Variants in PRPF18 observed in about 807,000 individuals in gnomAD.
PRPF18 encodes pre-mRNA-splicing factor 18.
Under a neutral mutation model 46.5 loss-of-function variants are expected in PRPF18, and 38 were observed. The ratio of observed to expected loss-of-function variants is 0.82; its 90% CI spans 0.63 to 1.07. PRPF18 has a LOEUF of 1.07. Ranked by LOEUF, PRPF18 falls within the 50% of genes least tolerant of loss-of-function variation. The probability of loss-of-function intolerance (pLI) is 0.00; values close to 1 mark genes in which losing one functional copy is unlikely to be tolerated. For synonymous variants in PRPF18, 152 were observed against 146.7 expected, an observed-to-expected ratio of 1.04 and a Z score of -0.26; for missense variants, 263 against 410.0, an observed-to-expected ratio of 0.64 and a Z score of 3.10.
chr10:13,599,621 T>C (rs1326209), intron 2 of PRPF18, among the ~76,000 whole-genome samples: 123,675 of 152,208 alleles, frequency 0.81, 50,361 homozygotes, highest in East Asian at 0.91. Context: ...CCCACTGTTT[T>C]CCTGGGTGGC....
the PRPF18 span, chr10:13,646,911 G>A: frequency 2.7e-5 from 20 of 731,658 alleles, no homozygotes; most frequent in South Asian, 2.5e-4. Flanking sequence ...GCGTTGAGGC[G>A]GTCAGATTAG....
intron 1 of PRPF18, among the ~76,000 whole-genome samples, chr10:13,590,676 G>A (rs2079948238): frequency 6.6e-6 from 1 of 151,390 alleles, no homozygotes; most frequent in African/African-American, 2.4e-5. Context: ...GTAATGTTAG[G>A]CATCATGCAA....
intron 1 of PRPF18, among the ~76,000 whole-genome samples, chr10:13,588,264 G>A (rs2079905644): frequency 6.6e-6 from 1 of 152,078 alleles, no homozygotes; most frequent in Admixed American, 6.6e-5. Context: ...AAAATTAGCT[G>A]GGCGTGGTGG....
intron 9 of PRPF18, among the ~76,000 whole-genome samples, chr10:13,629,687 C>T (rs952274651): frequency 1.2e-4 from 19 of 152,186 alleles, no homozygotes; most frequent in African/African-American, 3.9e-4. Flanking sequence ...TTTTTACTTT[C>T]GACATTGCTT....
downstream of PRPF18, among the ~76,000 whole-genome samples, chr10:13,633,203 G>A (rs1418621708): frequency 1.3e-5 from 2 of 152,168 alleles, no homozygotes; most frequent in Non-Finnish European, 1.5e-5. Flanking sequence ...GGAAGGGAGC[G>A]GTCCTGAGAG....
At chr10:13,589,445 A>G (rs928208945) in intron 1 of PRPF18, among the ~76,000 whole-genome samples, 3 of 152,244 alleles carry the variant, frequency 2.0e-5, no homozygotes, top group Admixed American at 6.5e-5. Context: ...TCAAGACTTA[A>G]TAAAAATAGT....
At chr10:13,587,246 G>A (rs765472169) in intron 1 of PRPF18, 94 bp downstream of exon 1, 8 of 1,334,668 alleles carry the variant, frequency 6.0e-6, no homozygotes, top group Non-Finnish European at 8.5e-6. Context: ...AGAGGATTCG[G>A]GGCGGGGACG....
chr10:13,630,162 T>G, intron 9 of PRPF18, 98 bp from the exon 10 acceptor site: 1 of 1,015,168 alleles, frequency 9.9e-7, no homozygotes. Flanking sequence ...TGCTGCATTT[T>G]ATGGGGACAT....
At chr10:13,623,783 A>G (rs2080455182) in intron 9 of PRPF18, among the ~76,000 whole-genome samples, 1 of 152,086 alleles carries the variant, frequency 6.6e-6, no homozygotes, top group Admixed American at 6.6e-5. Flanking sequence ...TGGTTTATTG[A>G]TTTCTCCGGA....
chr10:13,597,791 G>C (rs927008958), intron 2 of PRPF18: 28 of 695,998 alleles, frequency 4.0e-5, no homozygotes, highest in Non-Finnish European at 5.6e-5. Context: ...TGAGATCAAA[G>C]CTTGAATTTT....
chr10:13,595,978 G>T (rs1048505883), intron 1 of PRPF18, among the ~76,000 whole-genome samples: 1 of 152,132 alleles, frequency 6.6e-6, no homozygotes, highest in Non-Finnish European at 1.5e-5. Context: ...AAATTAGTTT[G>T]TTAATTTTAT....
chr10:13,606,733 C>CAAAAAAAAAAAAAA, intron 4 of PRPF18, among the ~76,000 whole-genome samples: 1 of 73,010 alleles, frequency 1.4e-5, no homozygotes, highest in Non-Finnish European at 2.5e-5. Flanking sequence ...GACTCCTTCT[C>CAAAAAAAAAAAAAA]AAAAAAAAAA....
At chr10:13,612,295 C>A (rs900839727) in intron 6 of PRPF18, among the ~76,000 whole-genome samples, 1 of 152,000 alleles carries the variant, frequency 6.6e-6, no homozygotes, top group African/African-American at 2.4e-5. Context: ...TTTCTTGAGG[C>A]AGAGTCTTGC....
the PRPF18 span, chr10:13,648,826 G>A: frequency 6.6e-6 from 1 of 152,100 alleles, no homozygotes; most frequent in Non-Finnish European, 1.5e-5. Context: ...ACATGATCTG[G>A]GTCTGTTTGG....
intron 3 of PRPF18, 43 bp downstream of exon 3, chr10:13,600,391 G>A (rs923716129): frequency 5.6e-6 from 8 of 1,424,612 alleles, no homozygotes; most frequent in Admixed American, 3.8e-5. Context: ...AGATCTCCAC[G>A]GTGTTTACAT....
chr10:13,635,064 A>G (rs116370908), downstream of PRPF18, among the ~76,000 whole-genome samples: 971 of 152,108 alleles, frequency 6.4e-3, 14 homozygotes, highest in African/African-American at 0.022. Context: ...CCATCCTCCA[A>G]CAGGCCCCAG....
intron 9 of PRPF18, among the ~76,000 whole-genome samples, chr10:13,618,322 C>G (rs2080374029): frequency 6.6e-6 from 1 of 151,942 alleles, no homozygotes; most frequent in Non-Finnish European, 1.5e-5. Flanking sequence ...ATAATTTGGG[C>G]AGTGGATATA....
intron 1 of PRPF18, among the ~76,000 whole-genome samples, chr10:13,590,456 T>A (rs184605892): frequency 0.12 from 16,996 of 138,798 alleles, 1,552 homozygotes; most frequent in East Asian, 0.51. Context: ...AAAAAAAATA[T>A]ATATATATAT....
downstream of PRPF18, chr10:13,631,299 G>A (rs1038345338): frequency 1.3e-5 from 2 of 152,356 alleles, no homozygotes; most frequent in Non-Finnish European, 2.9e-5. Flanking sequence ...AGAGGCCTCT[G>A]TTCACATGGC....
Sources: allele counts gnomAD v4.1 joint callset (sites outside exome capture counted in the v4.1 genomes callset), GRCh38; gene constraint gnomAD v4.1.1; transcripts MANE v1.5; gene names NCBI Gene and HGNC (gene_info 2026-07-23, HGNC 2026-07-21).